Variants in DDAH1 observed in about 807,000 individuals in gnomAD.
DDAH1 encodes the protein dimethylarginine dimethylaminohydrolase 1.
DDAH1 carries 19 observed loss-of-function variants against 28.8 expected under a neutral mutation model. The ratio of observed to expected loss-of-function variants is 0.66; its 90% CI spans 0.46 to 0.97. DDAH1 has a LOEUF of 0.97. Ranked by LOEUF, DDAH1 falls within the 50% of genes least tolerant of loss-of-function variation. The pLI, the probability that DDAH1 is intolerant of heterozygous loss-of-function variation, is 0.00. For missense variants in DDAH1, 326 were observed against 375.9 expected, an observed-to-expected ratio of 0.87 and a Z score of 1.10; for synonymous variants, 153 against 154.4, an observed-to-expected ratio of 0.99 and a Z score of 0.07.
chr1:85,389,582 A>G (rs1342825740), intron 1 of DDAH1, among the ~76,000 whole-genome samples: 2 of 152,102 alleles, frequency 1.3e-5, no homozygotes, highest in African/African-American at 4.8e-5. Flanking sequence ...GCTTTATAAG[A>G]GATTGTGAGC....
chr1:85,378,868 C>A (rs1650821479), intron 1 of DDAH1, among the ~76,000 whole-genome samples: 2 of 152,306 alleles, frequency 1.3e-5, no homozygotes, highest in East Asian at 1.9e-4. Flanking sequence ...TGAAACTCTA[C>A]AGAAAACTTA....
intron 1 of DDAH1, among the ~76,000 whole-genome samples, chr1:85,542,311 T>C (rs778896538): frequency 6.6e-6 from 1 of 152,206 alleles, no homozygotes; most frequent in African/African-American, 2.4e-5. Flanking sequence ...CAAGAGTGAA[T>C]ATTCCTGAAA....
At chr1:85,521,735 G>A in intron 1 of DDAH1, 1 of 758,148 alleles carries the variant, frequency 1.3e-6, no homozygotes, top group Non-Finnish European at 1.6e-6. Context: ...ATAATCCGCA[G>A]TGCCCACTCC....
chr1:85,514,505 T>C lies in DDAH1; in HGVS notation c.-122-18224A>G, dbSNP rs1473363563. On this transcript the variant is annotated intron_variant, in intron 1 of 6. Transcript: ENST00000426972. Reference sequence around the variant, plus strand: ...GTATCAAACCTGCACATTGTGCACATGTACCCTAGAACTTAAAGCATTAAA... The same window carrying C: ...GTATCAAACCTGCACATTGTGCACACGTACCCTAGAACTTAAAGCATTAAA... 2.8e-5 allele frequency among the ~76,000 whole-genome samples: 4 copies of C among 143,328 alleles called. 1 individual carries two copies. 94.0% of individuals were successfully genotyped at this position (143,328 alleles called of 152,430 possible).
chr1:85,568,122 C>G (rs1161475495), intron 1 of DDAH1, among the ~76,000 whole-genome samples: 1 of 152,034 alleles, frequency 6.6e-6, no homozygotes, highest in African/African-American at 2.4e-5. Context: ...GTCTTTTAAA[C>G]AGATTAAAAA....
At chr1:85,371,922 G>A (rs1650404383) in intron 1 of DDAH1, among the ~76,000 whole-genome samples, 1 of 152,046 alleles carries the variant, frequency 6.6e-6, no homozygotes, top group Admixed American at 6.6e-5. Flanking sequence ...GTGCTTTTTT[G>A]ACTGTTCTAC....
intron 1 of DDAH1, among the ~76,000 whole-genome samples, chr1:85,511,937 C>G (rs925524478): frequency 2.6e-5 from 4 of 152,154 alleles, no homozygotes; most frequent in African/African-American, 9.7e-5. Context: ...GGAGCTAGCA[C>G]CATTCCTTCT....
chr1:85,388,295 C>A (rs1283147625), intron 1 of DDAH1, among the ~76,000 whole-genome samples: 1 of 152,138 alleles, frequency 6.6e-6, no homozygotes, highest in Non-Finnish European at 1.5e-5. Flanking sequence ...AAGCCTGACA[C>A]AAAGTGATCC....
chr1:85,364,552 C>CTT (rs34633935), intron 1 of DDAH1, among the ~76,000 whole-genome samples: 1 of 147,716 alleles, frequency 6.8e-6, no homozygotes, highest in South Asian at 2.1e-4. Context: ...TGATTACTTT[C>CTT]TTTTTTTTTT....
At chr1:85,488,610 A>G (rs1441712482) in intron 2 of DDAH1, among the ~76,000 whole-genome samples, 1 of 152,208 alleles carries the variant, frequency 6.6e-6, no homozygotes, top group East Asian at 1.9e-4. Flanking sequence ...CTTTCCATAT[A>G]GACATATAAA....
At chr1:85,385,851 G>A (rs1352888063) in intron 1 of DDAH1, among the ~76,000 whole-genome samples, 1 of 152,182 alleles carries the variant, frequency 6.6e-6, no homozygotes, top group Non-Finnish European at 1.5e-5. Context: ...TCTGGGAAGG[G>A]CTTCAAATCA....
intron 1 of DDAH1, among the ~76,000 whole-genome samples, chr1:85,500,992 T>G (rs1481495489): frequency 6.6e-6 from 1 of 152,230 alleles, no homozygotes; most frequent in Non-Finnish European, 1.5e-5. Context: ...CTTTAAAATT[T>G]TAAACATATT....
intron 1 of DDAH1, among the ~76,000 whole-genome samples, chr1:85,513,998 G>A (rs1262458581): frequency 2.6e-5 from 4 of 152,140 alleles, no homozygotes; most frequent in Non-Finnish European, 4.4e-5. Flanking sequence ...CAATCCCATT[G>A]CTGGGTATAT....
chr1:85,439,149 C>T (rs1335730347), intron 1 of DDAH1, among the ~76,000 whole-genome samples: 2 of 90,636 alleles, frequency 2.2e-5, no homozygotes, highest in Non-Finnish European at 4.4e-5. Flanking sequence ...TGCAGTTTTA[C>T]TATCTTTGCA....
intron 1 of DDAH1, among the ~76,000 whole-genome samples, chr1:85,524,090 A>T (rs1264137959): frequency 6.6e-6 from 1 of 151,876 alleles, no homozygotes; most frequent in Non-Finnish European, 1.5e-5. Flanking sequence ...TTTCCCCAGC[A>T]AGTCACTGCT....
chr1:85,371,957 T>C (rs1212226194), intron 1 of DDAH1, among the ~76,000 whole-genome samples: 1 of 152,152 alleles, frequency 6.6e-6, no homozygotes, highest in Non-Finnish European at 1.5e-5. Flanking sequence ...GAGCATGATA[T>C]GCAAGATGGT....
At chr1:85,483,361 C>T (rs1312777929) in intron 2 of DDAH1, among the ~76,000 whole-genome samples, 1 of 152,060 alleles carries the variant, frequency 6.6e-6, no homozygotes, top group Non-Finnish European at 1.5e-5. Context: ...GTCTTAGGAC[C>T]TACCCTAAAC....
intron 4 of DDAH1, among the ~76,000 whole-genome samples, chr1:85,347,353 C>T (rs1490460803): frequency 6.6e-6 from 1 of 152,198 alleles, no homozygotes; most frequent in African/African-American, 2.4e-5. Flanking sequence ...ATAGCAAAGA[C>T]TTGGAACCAA....
chr1:85,377,777 T>A (rs1343663545), intron 1 of DDAH1, among the ~76,000 whole-genome samples: 1 of 150,864 alleles, frequency 6.6e-6, no homozygotes, highest in African/African-American at 2.4e-5. Flanking sequence ...ATCCATTTGA[T>A]GACTGAAGAT....
Sources: allele counts gnomAD v4.1 joint callset (sites outside exome capture counted in the v4.1 genomes callset), GRCh38; gene constraint gnomAD v4.1.1; transcripts MANE v1.5; gene names NCBI Gene and HGNC (gene_info 2026-07-23, HGNC 2026-07-21).